TMEM132B: variants seen among roughly 807,000 people sequenced by gnomAD.
TMEM132B encodes transmembrane protein 132B.
Under a neutral mutation model 90.8 loss-of-function variants are expected in TMEM132B, and 18 were observed. The ratio of observed to expected loss-of-function variants is 0.20; its 90% CI spans 0.14 to 0.29. The LOEUF (loss-of-function observed/expected upper bound fraction) is 0.29, where lower values mean the gene tolerates loss of function less well. Among genes scored for constraint, TMEM132B ranks in the 10% least tolerant of loss-of-function variants. The probability of loss-of-function intolerance (pLI) is 1.00; values close to 1 mark genes in which losing one functional copy is unlikely to be tolerated. For missense variants in TMEM132B, 1,096 were observed against 1,326.8 expected, an observed-to-expected ratio of 0.83 and a Z score of 2.70; for synonymous variants, 504 against 523.3, an observed-to-expected ratio of 0.96 and a Z score of 0.50.
At chr12:125,601,028 A>T (rs552033565) in intron 5 of TMEM132B, among the ~76,000 whole-genome samples, 13 of 152,308 alleles carry the variant, frequency 8.5e-5, no homozygotes, top group Non-Finnish European at 1.8e-4. Flanking sequence ...GGAGACTTTA[A>T]CACCCCACTG....
intron 4 of TMEM132B, among the ~76,000 whole-genome samples, chr12:125,543,376 G>A (rs949775424): frequency 3.3e-5 from 5 of 152,142 alleles, no homozygotes; most frequent in African/African-American, 1.2e-4. Flanking sequence ...AACCAATGTT[G>A]TCTAACAACT....
At chr12:125,546,473 C>T (rs115883758) in intron 4 of TMEM132B, among the ~76,000 whole-genome samples, 1,558 of 152,324 alleles carry the variant, frequency 0.01, 29 homozygotes, top group African/African-American at 0.036. Flanking sequence ...TGAGCCACCA[C>T]GACCGGCTGC....
chr12:125,497,714 A>G (rs1267594744), intron 3 of TMEM132B, among the ~76,000 whole-genome samples: 3 of 152,170 alleles, frequency 2.0e-5, no homozygotes, highest in Non-Finnish European at 4.4e-5. Flanking sequence ...CTGCATTATT[A>G]CTTTAATTGA....
At chr12:125,377,160 G>C (rs1195493142) in intron 2 of TMEM132B, among the ~76,000 whole-genome samples, 1 of 152,236 alleles carries the variant, frequency 6.6e-6, no homozygotes, top group East Asian at 1.9e-4. Flanking sequence ...GAACACCTGT[G>C]CAGGTGGGTA....
chr12:125,525,020 A>G (rs1883410012), intron 4 of TMEM132B, among the ~76,000 whole-genome samples: 1 of 152,104 alleles, frequency 6.6e-6, no homozygotes, highest in South Asian at 2.1e-4. Context: ...AGATGGAATG[A>G]TGTGTGTAAT....
At chr12:125,482,627 A>G (rs1882078760) in intron 3 of TMEM132B, among the ~76,000 whole-genome samples, 1 of 152,198 alleles carries the variant, frequency 6.6e-6, no homozygotes, top group Non-Finnish European at 1.5e-5. Flanking sequence ...AGAAACAGGA[A>G]CACTTTCACG....
At chr12:125,600,359 C>T (rs1885540996) in intron 5 of TMEM132B, among the ~76,000 whole-genome samples, 1 of 152,126 alleles carries the variant, frequency 6.6e-6, no homozygotes, top group Non-Finnish European at 1.5e-5. Flanking sequence ...CTCTCCATTC[C>T]ACTTTTCCAT....
intron 1 of TMEM132B, among the ~76,000 whole-genome samples, chr12:125,255,597 A>G (rs557440569): frequency 3.3e-5 from 5 of 152,284 alleles, no homozygotes; most frequent in Admixed American, 2.6e-4. Flanking sequence ...AACAATTAGT[A>G]CAGTCCACCT....
At position 125,350,130 on chromosome 12, in the gene TMEM132B, C is replaced by T. The variant is rs143562095; in HGVS notation, c.746C>T (p.Ser249Leu). ...EEGKWENNIHSGLESPQQAFP... is the reference protein window; with the variant it reads ...EEGKWENNIHLGLESPQQAFP... The stretch of plus-strand genomic sequence containing the variant: ...GGCAAGTGGGAGAACAATATCCACT[C>T]GGGCCTGGAGAGCCCCCAGCAAGCG... The change falls in exon 2 of 9, where the codon TCG becomes TTG. Residue 249 changes from serine to leucine, a missense_variant. Physicochemically the swap from Ser to Leu is moderately radical, Grantham distance 145 (BLOSUM62 -2). Coordinates refer to ENST00000682704, the MANE Select transcript of TMEM132B (RefSeq NM_001366854.1). 112 of 1,614,226 alleles carry T rather than the reference C, an allele frequency of 6.9e-5. No individual in the cohort carries two copies. In the African/African-American group the frequency reaches 9.6e-4, roughly 14 times the overall value.
chr12:125,632,421 T>C (rs1166981786), intron 5 of TMEM132B, among the ~76,000 whole-genome samples: 2 of 152,152 alleles, frequency 1.3e-5, no homozygotes, highest in Non-Finnish European at 2.9e-5. Context: ...AAGAGTAGTT[T>C]ACCCATCCCA....
intron 1 of TMEM132B, among the ~76,000 whole-genome samples, chr12:125,340,499 A>G (rs1367813881): frequency 1.3e-5 from 2 of 152,036 alleles, no homozygotes; most frequent in African/African-American, 4.8e-5. Flanking sequence ...TGATCCTGGG[A>G]TATGGAGGAG....
chr12:125,369,908 G>T (rs1334630998), intron 2 of TMEM132B, among the ~76,000 whole-genome samples: 1 of 152,142 alleles, frequency 6.6e-6, no homozygotes, highest in Non-Finnish European at 1.5e-5. Flanking sequence ...AATCAGCCGG[G>T]TGTGGTGGTG....
intron 2 of TMEM132B, among the ~76,000 whole-genome samples, chr12:125,384,235 G>A (rs1055165751): frequency 4.6e-5 from 7 of 152,056 alleles, no homozygotes; most frequent in East Asian, 3.9e-4. Flanking sequence ...GAGCCATCAC[G>A]CCCGGCTGAA....
intron 3 of TMEM132B, among the ~76,000 whole-genome samples, chr12:125,494,015 CCCT>C (rs1251798654): frequency 6.9e-6 from 1 of 144,268 alleles, no homozygotes; most frequent in Non-Finnish European, 1.5e-5. Flanking sequence ...TCCCTCCTCT[CCCT>C]CCTCCCTGAA....
intron 5 of TMEM132B, among the ~76,000 whole-genome samples, chr12:125,634,005 C>T (rs1886424618): frequency 6.6e-6 from 1 of 152,194 alleles, no homozygotes; most frequent in Non-Finnish European, 1.5e-5. Context: ...TGGTGCCCTT[C>T]CCTTCAGGGT....
chr12:125,636,235 T>C (rs1593036194), intron 5 of TMEM132B, among the ~76,000 whole-genome samples: 2 of 152,308 alleles, frequency 1.3e-5, no homozygotes, highest in Non-Finnish European at 2.9e-5. Context: ...CTTGCTTTCC[T>C]CTTCCCCGGG....
chr12:125,255,461 C>T (rs556066341), intron 1 of TMEM132B, among the ~76,000 whole-genome samples: 140 of 152,310 alleles, frequency 9.2e-4, no homozygotes, highest in South Asian at 4.8e-3. Flanking sequence ...GTCAAAAATC[C>T]GCAGACTTTC....
At chr12:125,456,707 C>T (rs1468282775) in intron 3 of TMEM132B, among the ~76,000 whole-genome samples, 1 of 152,222 alleles carries the variant, frequency 6.6e-6, no homozygotes, top group African/African-American at 2.4e-5. Flanking sequence ...GGCCTCCCCA[C>T]TGCAGTCTCT....
intron 1 of TMEM132B, among the ~76,000 whole-genome samples, chr12:125,323,941 T>C (rs1343124686): frequency 2.0e-5 from 3 of 152,068 alleles, no homozygotes; most frequent in African/African-American, 7.2e-5. Context: ...ATGTGAGCAT[T>C]ATAGAAAGAA....
Sources: allele counts gnomAD v4.1 joint callset (sites outside exome capture counted in the v4.1 genomes callset), GRCh38; gene constraint gnomAD v4.1.1; transcripts MANE v1.5; gene names NCBI Gene and HGNC (gene_info 2026-07-23, HGNC 2026-07-21).